The following RBFOX1 variants were observed in gnomAD, a reference collection of about 807,000 sequenced individuals.
RBFOX1 encodes RNA binding fox-1 homolog 1.
RBFOX1 carries 8 observed loss-of-function variants against 57.7 expected under a neutral mutation model. That is an observed-to-expected ratio of 0.14 (90% confidence interval 0.08 to 0.25). RBFOX1 has a LOEUF of 0.25. Ranked by LOEUF, RBFOX1 falls within the 10% of genes least tolerant of loss-of-function variation. RBFOX1 has a pLI of 1.00. For synonymous variants in RBFOX1, 326 were observed against 222.4 expected, an observed-to-expected ratio of 1.47 and a Z score of -4.15; for missense variants, 611 against 548.5, an observed-to-expected ratio of 1.11 and a Z score of -1.14.
intron 1 of RBFOX1, among the ~76,000 whole-genome samples, chr16:6,256,624 C>G (rs1008073024): frequency 2.6e-5 from 4 of 152,062 alleles, no homozygotes; most frequent in East Asian, 3.9e-4. Context: ...TGCTGGCAGT[C>G]TCAGCACCAC....
intron 3 of RBFOX1, among the ~76,000 whole-genome samples, chr16:6,924,442 C>A (rs1355315226): frequency 6.6e-6 from 1 of 151,972 alleles, no homozygotes; most frequent in African/African-American, 2.4e-5. Flanking sequence ...GCTCACTCAT[C>A]ACTAAGGGGA....
At chr16:7,218,037 G>A (rs773268863) in intron 4 of RBFOX1, among the ~76,000 whole-genome samples, 8 of 151,326 alleles carry the variant, frequency 5.3e-5, no homozygotes, top group South Asian at 2.1e-4. Flanking sequence ...GTGTGCGCGC[G>A]TGTGCGTGCA....
At chr16:7,674,500 C>T (rs759828563) in intron 13 of RBFOX1, among the ~76,000 whole-genome samples, 7 of 152,186 alleles carry the variant, frequency 4.6e-5, no homozygotes, top group Non-Finnish European at 8.8e-5. Context: ...AATCTCTCCG[C>T]TGGCTCTGGA....
intron 3 of RBFOX1, among the ~76,000 whole-genome samples, chr16:5,753,902 G>T (rs1277633869): frequency 6.6e-6 from 1 of 151,170 alleles, no homozygotes; most frequent in Non-Finnish European, 1.5e-5. Context: ...CTACAGAAAA[G>T]CAGGGACAAT....
chr16:5,504,277 C>A (rs1204199594), intron 2 of RBFOX1, among the ~76,000 whole-genome samples: 1 of 152,232 alleles, frequency 6.6e-6, no homozygotes, highest in African/African-American at 2.4e-5. Context: ...CAGGCCGCCT[C>A]CCAGGACCCA....
intron 3 of RBFOX1, among the ~76,000 whole-genome samples, chr16:6,816,220 G>T (rs1039672247): frequency 6.6e-6 from 1 of 152,094 alleles, no homozygotes; most frequent in Non-Finnish European, 1.5e-5. Context: ...CTGAGGTGAG[G>T]ATTGCTTCAG....
At chr16:7,338,752 A>G (rs1467616480) in intron 4 of RBFOX1, among the ~76,000 whole-genome samples, 1 of 152,248 alleles carries the variant, frequency 6.6e-6, no homozygotes, top group Non-Finnish European at 1.5e-5. Context: ...GAGAGTAACC[A>G]TCCTTATAGA....
intron 11 of RBFOX1, among the ~76,000 whole-genome samples, chr16:7,636,382 A>G (rs2061757978): frequency 6.6e-6 from 1 of 152,134 alleles, no homozygotes; most frequent in Non-Finnish European, 1.5e-5. Flanking sequence ...TACCTCTTTG[A>G]ATTTCCAGTA....
intron 4 of RBFOX1, among the ~76,000 whole-genome samples, chr16:7,206,634 G>A (rs1306033136): frequency 1.3e-5 from 2 of 152,048 alleles, no homozygotes. Context: ...TAAGAATGCT[G>A]TCTTATCCCT....
intron 3 of RBFOX1, among the ~76,000 whole-genome samples, chr16:6,985,693 G>C (rs1312964909): frequency 6.6e-6 from 1 of 151,912 alleles, no homozygotes; most frequent in East Asian, 1.9e-4. Flanking sequence ...AATTAGCCAG[G>C]CATGGTGTCA....
intron 4 of RBFOX1, among the ~76,000 whole-genome samples, chr16:7,430,205 C>G (rs542425184): frequency 1.2e-4 from 19 of 152,344 alleles, no homozygotes; most frequent in Middle Eastern, 3.4e-3. Flanking sequence ...CATTGGCCCA[C>G]AGTAACTATT....
intron 3 of RBFOX1, among the ~76,000 whole-genome samples, chr16:6,807,204 G>C (rs1453109185): frequency 6.6e-6 from 1 of 152,036 alleles, no homozygotes; most frequent in African/African-American, 2.4e-5. Context: ...AGGGAGACCA[G>C]TTAGGAGTCT....
At chr16:5,263,099 G>A (rs562067772) in intron 1 of RBFOX1, among the ~76,000 whole-genome samples, 2 of 151,996 alleles carry the variant, frequency 1.3e-5, no homozygotes, top group East Asian at 1.9e-4. Context: ...GTGGTGGTGG[G>A]AAACTTGTAG....
At chr16:7,096,836 G>A (rs2061774234) in intron 4 of RBFOX1, among the ~76,000 whole-genome samples, 1 of 146,808 alleles carries the variant, frequency 6.8e-6, no homozygotes, top group South Asian at 2.2e-4. Flanking sequence ...GGGGGCTGAG[G>A]TAAGAGAATC....
intron 1 of RBFOX1, among the ~76,000 whole-genome samples, chr16:5,265,414 A>G (rs1971560): frequency 0.31 from 47,567 of 152,104 alleles, 7,965 homozygotes; most frequent in South Asian, 0.44. Context: ...TACCAATTAT[A>G]TTAAAACACG....
At chr16:7,612,060 G>A (rs182233395) in intron 10 of RBFOX1, among the ~76,000 whole-genome samples, 2,421 of 152,112 alleles carry the variant, frequency 0.016, 36 homozygotes, top group Non-Finnish European at 0.027. Context: ...GGTGGCTCAC[G>A]CCTGTAATCC....
intron 2 of RBFOX1, among the ~76,000 whole-genome samples, chr16:6,507,917 C>A (rs533903051): frequency 6.6e-6 from 1 of 152,116 alleles, no homozygotes; most frequent in South Asian, 2.1e-4. Context: ...AATACACTTA[C>A]GTTCATTGCA....
chr16:5,674,127 T>C (rs2050097292), intron 3 of RBFOX1, among the ~76,000 whole-genome samples: 1 of 152,218 alleles, frequency 6.6e-6, no homozygotes, highest in African/African-American at 2.4e-5. Context: ...ACAGCAGATA[T>C]AAGCCCTGTC....
chr16:5,327,293 TGAGTCTGTATCCCTG>T (rs1248591331), intron 1 of RBFOX1, among the ~76,000 whole-genome samples: 4 of 152,094 alleles, frequency 2.6e-5, no homozygotes, highest in African/African-American at 9.7e-5. Context: ...GCCTCTCTAT[TGAGTCTGTATCCCTG>T]GAGAGAAGCC....
Sources: gnomAD v4.1 joint callset for allele counts (sites outside exome capture counted in the v4.1 genomes callset) on GRCh38, gnomAD v4.1.1 for gene constraint, MANE v1.5 for transcripts, NCBI Gene and HGNC (gene_info 2026-07-23, HGNC 2026-07-21) for gene names.